The following ELP4 variants were observed in gnomAD, a reference collection of about 807,000 sequenced individuals.
The protein encoded by ELP4 is elongator acetyltransferase complex subunit 4.
Under a neutral mutation model 48.9 loss-of-function variants are expected in ELP4, and 51 were observed. That is an observed-to-expected ratio of 1.04 (90% CI 0.83 to 1.32). The LOEUF is 1.32. Ranked by LOEUF, ELP4 falls within the 40% of genes most tolerant of loss-of-function variation. The probability of loss-of-function intolerance (pLI) is 0.00; values close to 1 mark genes in which losing one functional copy is unlikely to be tolerated. For synonymous variants in ELP4, 210 were observed against 189.2 expected (o/e 1.11, Z -0.90); for missense variants, 519 against 514.6 (o/e 1.01, Z -0.08).
At position 31,706,538 on chromosome 11, in the gene ELP4, T is replaced by A. The variant is rs561378947; in HGVS notation, c.1143+56317T>A. 3.4e-5 allele frequency among the ~76,000 whole-genome samples: 5 copies of A among 148,012 alleles called. No homozygotes were observed. The East Asian group carries it at 9.7e-4, about 29-fold the overall frequency. Reference sequence around the variant, plus strand: ...ATATATGTAATTAATTTAATTTGTTTATATATTTAATTTAATATATTAAAT... The same window carrying A: ...ATATATGTAATTAATTTAATTTGTTAATATATTTAATTTAATATATTAAAT... On this transcript the variant is annotated intron_variant, in intron 9 of 9. Coordinates refer to ENST00000640961, the MANE Select transcript of ELP4 (RefSeq NM_019040.5).
At chr11:31,715,638 A>G (rs896600686) in intron 9 of ELP4, among the ~76,000 whole-genome samples, 1 of 152,222 alleles carries the variant, frequency 6.6e-6, no homozygotes. Context: ...TTTGTAATCT[A>G]GTTGTAGAAA....
chr11:31,532,890 G>C (rs1193692476), intron 2 of ELP4, among the ~76,000 whole-genome samples: 5 of 150,376 alleles, frequency 3.3e-5, no homozygotes, highest in Non-Finnish European at 5.9e-5. Flanking sequence ...TCCTGCCTCA[G>C]CCTCCCAAGT....
intron 2 of ELP4, among the ~76,000 whole-genome samples, chr11:31,521,936 T>C (rs890132017): frequency 1.3e-5 from 2 of 152,170 alleles, no homozygotes; most frequent in Non-Finnish European, 2.9e-5. Flanking sequence ...GGCTGTGAAG[T>C]ACCTGCCAAC....
intron 2 of ELP4, among the ~76,000 whole-genome samples, chr11:31,535,193 T>C (rs1956479716): frequency 6.6e-6 from 1 of 152,208 alleles, no homozygotes; most frequent in Admixed American, 6.5e-5. Flanking sequence ...ATACTTTTAA[T>C]CATGGATTTT....
intron 1 of ELP4, among the ~76,000 whole-genome samples, chr11:31,519,396 G>T (rs1275878138): frequency 1.3e-5 from 2 of 152,164 alleles, no homozygotes; most frequent in East Asian, 3.8e-4. Context: ...ACACATTTAA[G>T]TCTTGAGTAT....
rs564535954 is a variant in ELP4, at chr11:31,531,961, G to T, written c.260-7701G>T. Among the ~76,000 whole-genome samples, 10 of 152,250 alleles carry T rather than the reference G, an allele frequency of 6.6e-5. 1 individual carries two copies. The highest frequency in any genetic ancestry group is 5.9e-4 in the Admixed American group (9 of 15,288). The stretch of plus-strand genomic sequence containing the variant: ...TAAAGATTTAGGAAGTTAAAGCCGT[G>T]ATTATTTGTGGGGATAAAAAGGAAA... On this transcript the variant is annotated intron_variant, in intron 2 of 9. Coordinates refer to ENST00000640961, the MANE Select transcript of ELP4 (RefSeq NM_019040.5).
At chr11:31,609,633 G>A (rs989490730) in intron 5 of ELP4, among the ~76,000 whole-genome samples, 1 of 151,922 alleles carries the variant, frequency 6.6e-6, no homozygotes, top group African/African-American at 2.4e-5. Context: ...CGGGGTCTGT[G>A]GGTTGGTACT....
At chr11:31,545,716 G>GTT (rs1565045441) in intron 3 of ELP4, among the ~76,000 whole-genome samples, 1 of 152,136 alleles carries the variant, frequency 6.6e-6, no homozygotes, top group Non-Finnish European at 1.5e-5. Flanking sequence ...AGGAAAAAAT[G>GTT]TTAAGGGCAG....
At chr11:31,630,566 C>T (rs1223303053) in intron 6 of ELP4, among the ~76,000 whole-genome samples, 1 of 151,906 alleles carries the variant, frequency 6.6e-6, no homozygotes, top group Non-Finnish European at 1.5e-5. Flanking sequence ...TGACCTTAGG[C>T]GATCTGCCCT....
At chr11:31,699,409 A>G (rs1227880796) in intron 9 of ELP4, among the ~76,000 whole-genome samples, 6 of 152,208 alleles carry the variant, frequency 3.9e-5, no homozygotes, top group African/African-American at 1.2e-4. Context: ...AACATTAAAT[A>G]AAATGGAAAT....
At chr11:31,707,464 A>G (rs1216891069) in intron 9 of ELP4, 1 of 152,840 alleles carries the variant, frequency 6.5e-6, no homozygotes, top group Non-Finnish European at 1.5e-5. Flanking sequence ...TTATTCTATA[A>G]CAATGTATTA....
intron 3 of ELP4, among the ~76,000 whole-genome samples, chr11:31,569,668 A>G (rs1048042128): frequency 3.9e-5 from 6 of 151,980 alleles, no homozygotes; most frequent in African/African-American, 7.3e-5. Context: ...GGAGGTTGCA[A>G]TGAGCTAAGA....
At chr11:31,745,599 T>G (rs534552707) in intron 9 of ELP4, among the ~76,000 whole-genome samples, 2 of 152,236 alleles carry the variant, frequency 1.3e-5, no homozygotes, top group South Asian at 4.1e-4. Context: ...CATCAACAAC[T>G]ATCTGATCTT....
chr11:31,742,795 C>T (rs1947486433), intron 9 of ELP4, among the ~76,000 whole-genome samples: 2 of 152,312 alleles, frequency 1.3e-5, no homozygotes, highest in South Asian at 4.1e-4. Context: ...ACTGCAAAAA[C>T]ATGCCAAATT....
chr11:31,527,809 G>T (rs1342080784), intron 2 of ELP4, among the ~76,000 whole-genome samples: 1 of 152,008 alleles, frequency 6.6e-6, no homozygotes, highest in Non-Finnish European at 1.5e-5. Flanking sequence ...TGTGCTCCTT[G>T]TTGATCTTAA....
chr11:31,527,527 G>A (rs1956316482), intron 2 of ELP4, among the ~76,000 whole-genome samples: 1 of 151,974 alleles, frequency 6.6e-6, no homozygotes, highest in Non-Finnish European at 1.5e-5. Flanking sequence ...GAATCTAACA[G>A]GTGACACATG....
intron 1 of ELP4, among the ~76,000 whole-genome samples, chr11:31,516,924 TTAAAA>T (rs1424824128): frequency 3.3e-5 from 5 of 152,198 alleles, no homozygotes; most frequent in African/African-American, 1.2e-4. Context: ...GAATGTGAAC[TTAAAA>T]TATAAAGTCT....
chr11:31,621,270 ATCTTC>A (rs1252344111), intron 5 of ELP4, among the ~76,000 whole-genome samples: 26 of 152,056 alleles, frequency 1.7e-4, no homozygotes, highest in South Asian at 1.7e-3. Flanking sequence ...AAAATGCTTC[ATCTTC>A]ACTTTAAATT....
At chr11:31,549,808 C>T (rs113232117) in intron 3 of ELP4, among the ~76,000 whole-genome samples, 45 of 152,110 alleles carry the variant, frequency 3.0e-4, no homozygotes, top group African/African-American at 1.1e-3. Flanking sequence ...TATGCAGCCA[C>T]AAAAAATGAT....
Sources: gnomAD v4.1 joint callset for allele counts (sites outside exome capture counted in the v4.1 genomes callset) on GRCh38, gnomAD v4.1.1 for gene constraint, MANE v1.5 for transcripts, NCBI Gene and HGNC (gene_info 2026-07-23, HGNC 2026-07-21) for gene names.